The following PCM1 variants were observed in gnomAD, a reference collection of about 807,000 sequenced individuals.
The protein encoded by PCM1 is pericentriolar material 1 protein.
A neutral mutation model predicts 241.9 loss-of-function variants in PCM1; 157 were observed. The observed-to-expected ratio is 0.65, with a 90% confidence interval of 0.57 to 0.74. The LOEUF (loss-of-function observed/expected upper bound fraction) is 0.74. PCM1 is among the 30% of genes least tolerant of loss of function. The pLI is 0.00. For missense variants in PCM1, 3,478 were observed against 2,360.1 expected, an observed-to-expected ratio of 1.47 and a Z score of -9.81; for synonymous variants, 1,085 against 784.9, an observed-to-expected ratio of 1.38 and a Z score of -6.39.
At chr8:18,027,203 T>C (rs1195033824) in intron 38 of PCM1, among the ~76,000 whole-genome samples, 1 of 152,246 alleles carries the variant, frequency 6.6e-6, no homozygotes, top group Non-Finnish European at 1.5e-5. Context: ...AGCCCACTTC[T>C]ACCTGTTAGA....
In PCM1 at chr8:18,014,753, C is replaced by T. The variant is rs747747860; in HGVS notation, c.5754C>T (p.Val1918=). Residue 1918 remains valine, a synonymous_variant, in exon 36 of 39, where the codon GTC becomes GTT. Coordinates refer to ENST00000325083, the MANE Select transcript of PCM1 (RefSeq NM_006197.4). ...AAATGGAACCCTTAGTGCCTAGAGT[C>T]AAAGAAGTTAAATCTGCTCAGGAAA... The part of the protein sequence containing the change: ...LPEMEPLVPR[V]KEVKSAQETP... The T allele has an allele frequency of 1.3e-5, 21 of 1,612,598 alleles. No homozygotes were observed. Among genetic ancestry groups the T allele is most frequent in the Non-Finnish European group, 1.8e-5 (21 of 1,179,716 alleles).
chr8:17,970,660 T>G (rs1047200892), intron 22 of PCM1, among the ~76,000 whole-genome samples: 1 of 152,194 alleles, frequency 6.6e-6, no homozygotes, highest in African/African-American at 2.4e-5. Context: ...TGAATGAATA[T>G]CCATCACGAG....
intron 36 of PCM1, chr8:18,024,967 A>G (rs140494274): frequency 2.6e-5 from 4 of 156,078 alleles, no homozygotes; most frequent in African/African-American, 7.2e-5. Context: ...TCAGCTTTCT[A>G]ACAGCCCCAT....
At position 17,935,585 on chromosome 8, in the gene PCM1, G is replaced by A. The variant is rs774432584; in HGVS notation, c.-22-4G>A. 6.4e-5 allele frequency: 64 copies of A among 994,804 alleles called. No homozygotes were observed. The highest frequency in any genetic ancestry group is 2.1e-4 in the Middle Eastern group (1 of 4,852). The allele number at this position is 994,804 out of a possible 1,614,324, so 61.6% of individuals were successfully genotyped here. A position where few individuals can be genotyped will look rare whatever the true frequency, so the allele number is the denominator to read the frequency against. On this transcript the variant is annotated splice_region_variant and splice_polypyrimidine_tract_variant and intron_variant, in intron 2 of 38. Transcript: ENST00000325083. ...TAAAGCTCAGTTCTTAACTTGTTTC[G>A]CAGAGAGTTAATTGTTAAATCCAGT...
At chr8:17,990,112 T>C in intron 27 of PCM1, 133 bp downstream of exon 27, 2 of 630,818 alleles carry the variant, frequency 3.2e-6, no homozygotes, top group Non-Finnish European at 4.9e-6. Context: ...CTTAATTATC[T>C]ATCAGTCTAA....
intron 29 of PCM1, among the ~76,000 whole-genome samples, chr8:18,000,392 A>G (rs2088866824): frequency 6.6e-6 from 1 of 152,200 alleles, no homozygotes; most frequent in Admixed American, 6.5e-5. Context: ...TTGTTTTTAG[A>G]AAATTGATTA....
Position 17,966,987 on chromosome 8 carries a change from C to G in PCM1, c.3229C>G (p.Gln1077Glu). 1 of 1,601,860 alleles carries G rather than the reference C, an allele frequency of 6.2e-7. No individual in the cohort carries two copies. Among genetic ancestry groups the G allele is most frequent in the Non-Finnish European group, 8.5e-7 (1 of 1,173,958 alleles). ...WQQNNVQRLK[Q>E]MLNELMRQQN... The stretch of plus-strand genomic sequence containing the variant: ...TGACTTAAATCTTTGTAGGTTGAAA[C>G]AAATGCTAAATGAACTTATGCGCCA... The change falls in exon 21 of 39, where the codon CAA becomes GAA. Residue 1077 changes from glutamine to glutamate, a missense_variant. Transcript: ENST00000325083.
intron 24 of PCM1, chr8:17,983,367 T>G (rs1344774191): frequency 1.3e-6 from 1 of 791,694 alleles, no homozygotes; most frequent in African/African-American, 1.8e-5. Flanking sequence ...TTGTCCTGAT[T>G]TTTTTCTTTT....
At chr8:18,010,800 G>GTGAAACCCCGTCCATACTAAA in intron 32 of PCM1, 132 bp downstream of exon 32, 1 of 602,128 alleles carries the variant, frequency 1.7e-6, no homozygotes, top group African/African-American at 1.9e-5. Context: ...GGCCAACATG[G>GTGAAACCCCGTCCATACTAAA]TGAAACCCCG....
chr8:17,973,883 A>G (rs1273879229), intron 23 of PCM1, among the ~76,000 whole-genome samples: 1 of 152,212 alleles, frequency 6.6e-6, no homozygotes, highest in Non-Finnish European at 1.5e-5. Flanking sequence ...TACACTTGTA[A>G]ACTTTGGCAA....
At chr8:17,949,966 G>T (rs2065385049) in intron 7 of PCM1, among the ~76,000 whole-genome samples, 1 of 152,168 alleles carries the variant, frequency 6.6e-6, no homozygotes, top group South Asian at 2.1e-4. Flanking sequence ...AGTATGACTT[G>T]TATCACAAAC....
At chr8:17,982,996 T>C (rs1360160277) in intron 24 of PCM1, among the ~76,000 whole-genome samples, 1 of 152,210 alleles carries the variant, frequency 6.6e-6, no homozygotes, top group Non-Finnish European at 1.5e-5. Context: ...TAAAAATGAA[T>C]GATAGAAGTT....
chr8:18,007,184 T>G (rs374419247), intron 30 of PCM1, among the ~76,000 whole-genome samples: 12 of 152,250 alleles, frequency 7.9e-5, no homozygotes, highest in African/African-American at 2.9e-4. Context: ...TACTCCACAT[T>G]AGGTGATACA....
chr8:17,938,587 A>C (rs2061121769), intron 4 of PCM1, among the ~76,000 whole-genome samples, 153 bp from the exon 5 acceptor site: 1 of 152,214 alleles, frequency 6.6e-6, no homozygotes, highest in African/African-American at 2.4e-5. Context: ...AAAGACTGTT[A>C]CAGAGCCAAA....
intron 8 of PCM1, among the ~76,000 whole-genome samples, chr8:17,951,520 T>G (rs2066003747): frequency 6.6e-6 from 1 of 152,166 alleles, no homozygotes; most frequent in Non-Finnish European, 1.5e-5. Flanking sequence ...CAAATGTCCA[T>G]CAACAGAAAT....
intron 7 of PCM1, among the ~76,000 whole-genome samples, chr8:17,947,934 T>A (rs1262613598): frequency 1.3e-5 from 2 of 152,176 alleles, no homozygotes; most frequent in East Asian, 3.8e-4. Context: ...CATGTGTGAA[T>A]TAGATGAAAG....
intron 8 of PCM1, among the ~76,000 whole-genome samples, chr8:17,952,188 A>G (rs957678866): frequency 1.3e-5 from 2 of 151,720 alleles, no homozygotes; most frequent in Admixed American, 1.3e-4. Context: ...ACGCCACTGC[A>G]CTCTAGCCTG....
At chr8:18,013,655 T>C (rs1046487126) in intron 34 of PCM1, among the ~76,000 whole-genome samples, 1 of 152,184 alleles carries the variant, frequency 6.6e-6, no homozygotes, top group Admixed American at 6.5e-5. Context: ...CTCTCGTCAC[T>C]TCCTCCTTCA....
At chr8:17,994,818 A>T (rs977090688) in intron 29 of PCM1, among the ~76,000 whole-genome samples, 1 of 151,326 alleles carries the variant, frequency 6.6e-6, no homozygotes, top group Admixed American at 6.6e-5. Context: ...CCTGTTTGCC[A>T]TTTGTATGTC....
Sources: gnomAD v4.1 joint callset for allele counts (sites outside exome capture counted in the v4.1 genomes callset) on GRCh38, gnomAD v4.1.1 for gene constraint, MANE v1.5 for transcripts, NCBI Gene and HGNC (gene_info 2026-07-23, HGNC 2026-07-21) for gene names.